Variants in MTMR9 observed in about 807,000 individuals in gnomAD.
MTMR9 encodes myotubularin-related protein 9.
In MTMR9, 39 loss-of-function variants were observed where a neutral mutation model predicts 69.5. The ratio of observed to expected loss-of-function variants is 0.56; its 90% CI spans 0.43 to 0.73. The LOEUF is 0.73. Among genes scored for constraint, MTMR9 ranks in the 30% least tolerant of loss-of-function variants. The pLI is 0.00. For missense variants in MTMR9, 900 were observed against 671.2 expected (o/e 1.34, Z -3.77); for synonymous variants, 354 against 240.8 (o/e 1.47, Z -4.35).
chr8:11,307,104 C>G (rs1799967831), intron 5 of MTMR9, among the ~76,000 whole-genome samples: 1 of 152,098 alleles, frequency 6.6e-6, no homozygotes, highest in East Asian at 1.9e-4. Context: ...TGGAGTCTTG[C>G]TCTGTCAGCC....
intron 6 of MTMR9, among the ~76,000 whole-genome samples, chr8:11,312,614 G>T (rs1000358180): frequency 5.9e-5 from 9 of 152,124 alleles, no homozygotes; most frequent in African/African-American, 2.2e-4. Context: ...ATGAGATGTG[G>T]AATCAACTTC....
intron 2 of MTMR9, among the ~76,000 whole-genome samples, chr8:11,295,688 G>C (rs1298691838): frequency 6.6e-6 from 1 of 152,164 alleles, no homozygotes; most frequent in Non-Finnish European, 1.5e-5. Context: ...TTAAAGTTTT[G>C]CTTGATATTT....
At chr8:11,334,950 G>C in the MTMR9 span, among the ~76,000 whole-genome samples, 1 of 152,094 alleles carries the variant, frequency 6.6e-6, no homozygotes, top group African/African-American at 2.4e-5. Context: ...ATTTGACAAA[G>C]AACATCTTAA....
At position 11,325,427 on chromosome 8, in the gene MTMR9, A is replaced by G. The variant is rs1008332581; in HGVS notation, c.*2639A>G. The G allele has an allele frequency of 2.6e-5, 4 of 152,186 alleles. No individual in the cohort carries two copies. The highest frequency in any genetic ancestry group is 4.4e-5 in the Non-Finnish European group (3 of 68,022). 9.4% of individuals were successfully genotyped at this position (152,186 alleles called of 1,614,324 possible). On this transcript the variant is annotated 3_prime_UTR_variant, in exon 10 of 10. Coordinates refer to ENST00000221086, the MANE Select transcript of MTMR9 (RefSeq NM_015458.4). ...GCTGTTAAACACTTGAATGAAGAGA[A>G]TGGTGGCAGAATGAGTGAGCAAGCA...
chr8:11,291,416 C>CTG (rs1799376840), intron 1 of MTMR9, among the ~76,000 whole-genome samples: 1 of 151,972 alleles, frequency 6.6e-6, no homozygotes, highest in South Asian at 2.1e-4. Flanking sequence ...ATTTTAAATG[C>CTG]TGTGATAGGG....
chr8:11,329,839 TC>T (rs980760608), downstream of MTMR9, among the ~76,000 whole-genome samples: 7 of 147,462 alleles, frequency 4.7e-5, no homozygotes, highest in Admixed American at 1.3e-4. Context: ...GAGCGCCTCT[TC>T]CTGGCCGCCA....
intron 2 of MTMR9, among the ~76,000 whole-genome samples, chr8:11,299,678 A>G (rs554537268): frequency 5.3e-5 from 8 of 152,328 alleles, no homozygotes; most frequent in African/African-American, 1.9e-4. Flanking sequence ...CCAAAAACTG[A>G]TCCCCAGAAA....
chr8:11,331,334 A>G, downstream of MTMR9: 1 of 1,613,756 alleles, frequency 6.2e-7, no homozygotes. Flanking sequence ...TCATCTGTCG[A>G]TGCCTCTTCC....
chr8:11,288,312 A>G (rs1009535236), intron 1 of MTMR9, among the ~76,000 whole-genome samples: 11 of 140,256 alleles, frequency 7.8e-5, no homozygotes, highest in African/African-American at 2.9e-4. Flanking sequence ...TATAATATGT[A>G]TATATAATAT....
chr8:11,331,832 G>C, downstream of MTMR9: 3 of 1,611,944 alleles, frequency 1.9e-6, no homozygotes, highest in South Asian at 1.1e-5. Context: ...TTGTGCTGCA[G>C]ACCCCCGTGT....
intron 2 of MTMR9, chr8:11,298,832 C>T: frequency 1.0e-6 from 1 of 984,512 alleles, no homozygotes; most frequent in Non-Finnish European, 1.2e-6. Context: ...CCCATCTACT[C>T]AGGTTTTCCT....
rs1379496232 is a variant in MTMR9, at chr8:11,309,056, G to GT, written c.810-468dup. On this transcript the variant is annotated intron_variant, in intron 5 of 9. Coordinates refer to ENST00000221086, the MANE Select transcript of MTMR9 (RefSeq NM_015458.4). ...CAGTTTCCTCCACCTATTGTCTCTT[G>GT]TTTGTACTGTAAAAGAGTGATTTAT... Among the ~76,000 whole-genome samples, 4 of 152,254 alleles carry GT rather than the reference G, an allele frequency of 2.6e-5. No homozygotes were observed. In the East Asian group the frequency reaches 7.7e-4, roughly 29 times the overall value.
intron 3 of MTMR9, among the ~76,000 whole-genome samples, chr8:11,301,422 C>CA (rs1799743678): frequency 6.6e-6 from 1 of 152,068 alleles, no homozygotes; most frequent in Admixed American, 6.5e-5. Flanking sequence ...CTTTTTCAAC[C>CA]AATAGTATTG....
At chr8:11,321,313 G>C (rs1181405226) in intron 9 of MTMR9, 1 of 431,538 alleles carries the variant, frequency 2.3e-6, no homozygotes, top group Non-Finnish European at 4.7e-6. Context: ...GTCACAGTCA[G>C]TACAGGGTTC....
intron 5 of MTMR9, among the ~76,000 whole-genome samples, chr8:11,307,463 T>A (rs1414906844): frequency 1.3e-5 from 2 of 152,350 alleles, no homozygotes; most frequent in East Asian, 3.9e-4. Context: ...TTAGGTTGAA[T>A]CCATATCTTG....
rs549350280 is a variant in MTMR9 at position 11,326,438 on chromosome 8, G to T, written c.*3650G>T. 21 of 152,092 alleles carry T rather than the reference G, an allele frequency of 1.4e-4. No homozygotes were observed. The highest frequency in any genetic ancestry group is 2.5e-4 in the Non-Finnish European group (17 of 68,020). 9.4% of individuals were successfully genotyped at this position (152,092 alleles called of 1,614,324 possible). A position where few individuals can be genotyped will look rare whatever the true frequency, so the allele number is the denominator to read the frequency against. On this transcript the variant is annotated 3_prime_UTR_variant, in exon 10 of 10. Transcript: ENST00000221086. ...TCTGGAAGCTTTGAAATTTATCAGA[G>T]AATGAAGTCATTCAGTACATCTGAT...
At chr8:11,299,862 A>C (rs2736387) in intron 2 of MTMR9, among the ~76,000 whole-genome samples, 161 bp from the exon 3 acceptor site, 89,277 of 152,062 alleles carry the variant, frequency 0.59, 26,668 homozygotes, top group East Asian at 0.88. Context: ...AATCAGCTTC[A>C]GTAAGACTAA....
In MTMR9 at chr8:11,322,658, A is replaced by G. The variant is rs767108354; in HGVS notation, c.1520A>G (p.Tyr507Cys). ...CTACGTTGGAATAGATCCTCTAAGT[A>G]TTTGGATGAAGCATATGAAGAAATG... ...IFLRWNRSSK[Y>C]LDEAYEEMVN... The change falls in exon 10 of 10, where the codon TAT becomes TGT. Residue 507 changes from tyrosine to cysteine, a missense_variant. Physicochemically the swap from Tyr to Cys is radical, Grantham distance 194 (BLOSUM62 -2). Coordinates refer to ENST00000221086, the MANE Select transcript of MTMR9 (RefSeq NM_015458.4). 3.1e-6 allele frequency: 5 copies of G among 1,613,888 alleles called. No individual in the cohort carries two copies. Among genetic ancestry groups the G allele is most frequent in the Admixed American group, 3.3e-5 (2 of 60,014 alleles).
At position 11,324,162 on chromosome 8, in the gene MTMR9, C is replaced by G. The variant is rs1275069915; in HGVS notation, c.*1374C>G. 6.6e-6 allele frequency: 1 copy of G among 152,178 alleles called. No individual in the cohort carries two copies. Among genetic ancestry groups the G allele is most frequent in the Non-Finnish European group, 1.5e-5 (1 of 68,022 alleles). The allele number at this position is 152,178 out of a possible 1,614,324, so 9.4% of individuals were successfully genotyped here. A position where few individuals can be genotyped will look rare whatever the true frequency, so the allele number is the denominator to read the frequency against. ...GGTAGAGAACACACTACACTGAACC[C>G]TGCTTTAGAGCTGTGTGTTGAGCTA... On this transcript the variant is annotated 3_prime_UTR_variant, in exon 10 of 10. Transcript: ENST00000221086.
Sources: allele counts gnomAD v4.1 joint callset (sites outside exome capture counted in the v4.1 genomes callset), GRCh38; gene constraint gnomAD v4.1.1; transcripts MANE v1.5; gene names NCBI Gene and HGNC (gene_info 2026-07-23, HGNC 2026-07-21).